IFT80: variants seen among roughly 807,000 people sequenced by gnomAD.
IFT80 encodes intraflagellar transport 80.
Under a neutral mutation model 107.9 loss-of-function variants are expected in IFT80, and 79 were observed. That is an observed-to-expected ratio of 0.73 (90% CI 0.61 to 0.88). The LOEUF is 0.88. Ranked by LOEUF, IFT80 falls within the 40% of genes least tolerant of loss-of-function variation. The pLI is 0.00. For synonymous variants in IFT80, 299 were observed against 300.9 expected (o/e 0.99, Z 0.07); for missense variants, 797 against 914.2 (o/e 0.87, Z 1.65).
intron 8 of IFT80, among the ~76,000 whole-genome samples, chr3:160,332,223 AACATTCAG>A (rs1469870431): frequency 6.6e-6 from 1 of 152,210 alleles, no homozygotes; most frequent in Non-Finnish European, 1.5e-5. Flanking sequence ...CACAGTGAGG[AACATTCAG>A]ACTGGAATGG....
chr3:160,258,968 T>C (rs1042641189), intron 19 of IFT80, among the ~76,000 whole-genome samples: 5 of 151,588 alleles, frequency 3.3e-5, no homozygotes, highest in African/African-American at 1.2e-4. Flanking sequence ...AGTAGCTGGG[T>C]GTGGTGGCAC....
At position 160,351,522 on chromosome 3, in the gene IFT80, A is replaced by G. The variant is rs964809483; in HGVS notation, c.777+4491T>C. On this transcript the variant is annotated intron_variant, in intron 8 of 19. Coordinates refer to ENST00000326448, the MANE Select transcript of IFT80 (RefSeq NM_020800.3). ...TAGTATCAAAATATCCTCCAGAAAGATTTGAACAAATATATATATACACAT... is the reference window on the plus strand; with the variant it reads ...TAGTATCAAAATATCCTCCAGAAAGGTTTGAACAAATATATATATACACAT... Among the ~76,000 whole-genome samples the G allele has an allele frequency of 1.5e-4, 22 of 147,268 alleles. No homozygotes were observed. In the East Asian group the frequency reaches 4.3e-3, roughly 29 times the overall value.
Position 160,332,129 on chromosome 3 carries a change from T to C in IFT80, c.778-12190A>G, listed in dbSNP as rs754400257. 3.8e-4 allele frequency among the ~76,000 whole-genome samples: 58 copies of C among 152,224 alleles called. 1 individual carries two copies. The highest frequency in any genetic ancestry group is 1.0e-4 in the Non-Finnish European group (7 of 68,036). ...GAGTCTTGATCAGATTCAGGTTCCA[T>C]ATTTTTGGAAAGAAAACTTCATAGG... On this transcript the variant is annotated intron_variant, in intron 8 of 19. Coordinates refer to ENST00000326448, the MANE Select transcript of IFT80 (RefSeq NM_020800.3).
chr3:160,359,482 G>T (rs1257906642), intron 6 of IFT80, among the ~76,000 whole-genome samples: 1 of 152,138 alleles, frequency 6.6e-6, no homozygotes, highest in Non-Finnish European at 1.5e-5. Flanking sequence ...AGAGAGCAGT[G>T]GTTCTCCCAG....
At chr3:160,333,567 G>C (rs1165290934) in intron 8 of IFT80, among the ~76,000 whole-genome samples, 1 of 150,986 alleles carries the variant, frequency 6.6e-6, no homozygotes, top group African/African-American at 2.4e-5. Context: ...AAACTTTCTT[G>C]TTAAAAACTA....
At chr3:160,260,614 TAA>T (rs1279685430) in intron 19 of IFT80, among the ~76,000 whole-genome samples, 4 of 152,220 alleles carry the variant, frequency 2.6e-5, no homozygotes, top group African/African-American at 4.8e-5. Flanking sequence ...GATCTAGTTT[TAA>T]AAAGTGTTCT....
chr3:160,297,016 T>C (rs1455201020), intron 12 of IFT80, among the ~76,000 whole-genome samples: 1 of 152,204 alleles, frequency 6.6e-6, no homozygotes, highest in Non-Finnish European at 1.5e-5. Context: ...ATCATTTAAT[T>C]ATACAGCATC....
chr3:160,278,374 G>C (rs1431952489), intron 16 of IFT80, among the ~76,000 whole-genome samples: 1 of 152,194 alleles, frequency 6.6e-6, no homozygotes. Context: ...AGATTAGGGT[G>C]GGGCAACCAG....
chr3:160,368,725 G>C (rs537366510), intron 5 of IFT80, among the ~76,000 whole-genome samples: 13 of 151,962 alleles, frequency 8.6e-5, no homozygotes, highest in African/African-American at 2.9e-4. Flanking sequence ...TACTAGCTAA[G>C]GTTGTAGAAT....
At chr3:160,392,612 T>C (rs777507236) in intron 1 of IFT80, among the ~76,000 whole-genome samples, 1 of 152,222 alleles carries the variant, frequency 6.6e-6, no homozygotes, top group African/African-American at 2.4e-5. Context: ...AATAAAAACA[T>C]TTGTTGGCTT....
At chr3:160,278,563 C>A (rs762201115) in intron 16 of IFT80, among the ~76,000 whole-genome samples, 16 of 152,108 alleles carry the variant, frequency 1.1e-4, no homozygotes, top group Non-Finnish European at 1.8e-4. Context: ...CTGCCTATTA[C>A]GCTTTCCACT....
intron 9 of IFT80, among the ~76,000 whole-genome samples, chr3:160,314,627 A>G (rs1717657439): frequency 6.6e-6 from 1 of 152,218 alleles, no homozygotes; most frequent in Admixed American, 6.5e-5. Flanking sequence ...AGAAGCCTCT[A>G]AGGAAACTGT....
intron 8 of IFT80, among the ~76,000 whole-genome samples, chr3:160,340,065 C>CT (rs1252956181): frequency 6.6e-6 from 1 of 152,150 alleles, no homozygotes; most frequent in Non-Finnish European, 1.5e-5. Flanking sequence ...TTTTCACATG[C>CT]TCTAAAGTCT....
intron 8 of IFT80, among the ~76,000 whole-genome samples, chr3:160,324,000 C>T (rs1390653867): frequency 1.3e-5 from 2 of 152,138 alleles, no homozygotes; most frequent in Admixed American, 6.6e-5. Flanking sequence ...ACTACAAACA[C>T]CTCTACACAA....
intron 10 of IFT80, among the ~76,000 whole-genome samples, chr3:160,306,507 C>T (rs529830995): frequency 1.3e-5 from 2 of 152,224 alleles, no homozygotes; most frequent in South Asian, 2.1e-4. Flanking sequence ...ATCCCTTCCC[C>T]ACATCTCAAC....
chr3:160,259,192 A>T (rs1712608037), intron 19 of IFT80, among the ~76,000 whole-genome samples: 1 of 152,210 alleles, frequency 6.6e-6, no homozygotes, highest in African/African-American at 2.4e-5. Context: ...TATAATAAAA[A>T]GCAAAGACTC....
chr3:160,285,665 A>C, intron 13 of IFT80, 139 bp downstream of exon 13: 1 of 646,322 alleles, frequency 1.5e-6, no homozygotes, highest in Non-Finnish European at 2.7e-6. Context: ...CTTTAGGCAA[A>C]ATAGTCAATG....
At chr3:160,330,695 C>T (rs1421277700) in intron 8 of IFT80, among the ~76,000 whole-genome samples, 6 of 152,070 alleles carry the variant, frequency 3.9e-5, no homozygotes, top group African/African-American at 7.2e-5. Context: ...CCTGAAGCTA[C>T]TGGGCCAATG....
chr3:160,323,683 C>A (rs1001901931), intron 8 of IFT80, among the ~76,000 whole-genome samples: 9 of 151,750 alleles, frequency 5.9e-5, no homozygotes, highest in African/African-American at 2.2e-4. Context: ...CAGGAAAGAT[C>A]CAAAATTGAC....
Sources: gnomAD v4.1 joint callset for allele counts (sites outside exome capture counted in the v4.1 genomes callset) on GRCh38, gnomAD v4.1.1 for gene constraint, MANE v1.5 for transcripts, NCBI Gene and HGNC (gene_info 2026-07-23, HGNC 2026-07-21) for gene names.